RNF8: variants seen among roughly 807,000 people sequenced by gnomAD.
RNF8 encodes E3 ubiquitin-protein ligase RNF8.
A neutral mutation model predicts 59.3 loss-of-function variants in RNF8; 8 were observed. The observed-to-expected ratio is 0.13, with a 90% CI of 0.08 to 0.24. The LOEUF is 0.24. RNF8 is among the 10% of genes least tolerant of loss of function. RNF8 has a pLI of 1.00. For synonymous variants in RNF8, 162 were observed against 200.0 expected, an observed-to-expected ratio of 0.81 and a Z score of 1.60; for missense variants, 406 against 572.6, an observed-to-expected ratio of 0.71 and a Z score of 2.97.
At chr6:37,354,398 G>A (rs1011567556) in intron 1 of RNF8, 123 bp downstream of exon 1, 24 of 772,778 alleles carry the variant, frequency 3.1e-5, no homozygotes, top group South Asian at 1.6e-4. Context: ...ATCAGGAAGA[G>A]GAGCGAAGTG....
At chr6:37,370,017 T>C (rs1272562668) in intron 3 of RNF8, 2 of 152,228 alleles carry the variant, frequency 1.3e-5, no homozygotes, top group African/African-American at 4.8e-5. Context: ...ATTTCCTATC[T>C]GGCAGGAACC....
Position 37,391,702 on chromosome 6 carries a change from G to T in RNF8, c.*944G>T, listed in dbSNP as rs1406504072. The T allele has an allele frequency of 6.6e-6, 1 of 151,850 alleles. No individual in the cohort carries two copies. Among genetic ancestry groups the T allele is most frequent in the Non-Finnish European group, 1.5e-5 (1 of 67,958 alleles). The allele number at this position is 151,850 out of a possible 1,614,324, so 9.4% of individuals were successfully genotyped here. ...AGATCTGACTCTGTTGCCCAAGCTG[G>T]AGTACAGTAGTGCAATCTCAGCTCA... On this transcript the variant is annotated 3_prime_UTR_variant, in exon 8 of 8. Transcript: ENST00000373479.
At chr6:37,385,576 G>C (rs894277468) in intron 7 of RNF8, among the ~76,000 whole-genome samples, 18 of 151,826 alleles carry the variant, frequency 1.2e-4, no homozygotes, top group African/African-American at 3.6e-4. Context: ...GCAGTGAGCC[G>C]AGATCATGCC....
chr6:37,392,062 C>T lies in RNF8; in HGVS notation c.*1304C>T, dbSNP rs1440468734. 1 of 162,812 alleles carries T rather than the reference C, an allele frequency of 6.1e-6. No individual in the cohort carries two copies. The highest frequency in any genetic ancestry group is 1.3e-5 in the Non-Finnish European group (1 of 75,576). The allele number at this position is 162,812 out of a possible 1,614,324, so 10.1% of individuals were successfully genotyped here. On this transcript the variant is annotated 3_prime_UTR_variant, in exon 8 of 8. Transcript: ENST00000373479. ...ACTGTGAATTTTGGGATTCTGGAGT[C>T]CTTAGTCTTCATTTCCATTCTTCTG... is the stretch of plus-strand genomic sequence containing the variant.
chr6:37,354,422 T>A, intron 1 of RNF8, 147 bp downstream of exon 1: 1 of 510,970 alleles, frequency 2.0e-6, no homozygotes, highest in East Asian at 3.7e-5. Context: ...GTGGGGGGGG[T>A]GGATTCCTGG....
At chr6:37,380,262 C>G (rs1296821237) in intron 6 of RNF8, among the ~76,000 whole-genome samples, 1 of 152,066 alleles carries the variant, frequency 6.6e-6, no homozygotes, top group East Asian at 1.9e-4. Flanking sequence ...GGTGGCCAGC[C>G]CACATTGGGA....
chr6:37,388,245 G>A (rs1340932997), intron 7 of RNF8, among the ~76,000 whole-genome samples: 1 of 152,180 alleles, frequency 6.6e-6, no homozygotes, highest in Non-Finnish European at 1.5e-5. Context: ...GATGTGCTGT[G>A]GGGACTGCAA....
intron 6 of RNF8, 26 bp downstream of exon 6, chr6:37,377,059 T>TTA: frequency 4.9e-6 from 3 of 617,164 alleles, no homozygotes; most frequent in Non-Finnish European, 7.8e-6. Flanking sequence ...TGCTCACCCC[T>TTA]TCTTTTTTTT....
chr6:37,394,413 C>G lies in RNF8; in HGVS notation c.*3655C>G. The G allele has an allele frequency of 6.6e-6, 1 of 152,164 alleles. No homozygotes were observed. The highest frequency in any genetic ancestry group is 1.5e-5 in the Non-Finnish European group (1 of 68,024). 9.4% of individuals were successfully genotyped at this position (152,164 alleles called of 1,614,324 possible). On this transcript the variant is annotated 3_prime_UTR_variant, in exon 8 of 8. Coordinates refer to ENST00000373479, the MANE Select transcript of RNF8 (RefSeq NM_003958.4). Reference sequence around the variant, plus strand: ...GAAATAATGAACTATCTTCTTGATTCTTCCATTGAGAAAAGCATATGAATC... The same window carrying G: ...GAAATAATGAACTATCTTCTTGATTGTTCCATTGAGAAAAGCATATGAATC...
intron 3 of RNF8, among the ~76,000 whole-genome samples, chr6:37,370,634 A>G (rs1769762516): frequency 6.6e-6 from 1 of 150,982 alleles, no homozygotes; most frequent in Admixed American, 6.6e-5. Context: ...CTGCCCACCA[A>G]GCCCTGAGGA....
rs572738035 is a variant in RNF8, at chr6:37,376,806, G to T, written c.1129-120G>T. The T allele has an allele frequency of 1.3e-3, 892 of 665,830 alleles. 2 individuals are homozygous for T. The highest frequency in any genetic ancestry group is 2.1e-3 in the Non-Finnish European group (762 of 367,242). The allele number at this position is 665,830 out of a possible 1,614,324, so 41.2% of individuals were successfully genotyped here. On this transcript the variant is annotated intron_variant, in intron 5 of 7. Transcript: ENST00000373479. ...AAAGTGTTCTATTCTTAATGTTGCT[G>T]CACCAGAATGAATCACTCATTAAGA...
At chr6:37,374,581 G>T in intron 4 of RNF8, 39 bp from the exon 5 acceptor site, 1 of 1,434,326 alleles carries the variant, frequency 7.0e-7, no homozygotes. Flanking sequence ...AGGATGCATT[G>T]TAGTTCATCC....
In RNF8 at chr6:37,392,893, A is replaced by G. The variant is rs1006303041; in HGVS notation, c.*2135A>G. ...GGTCTTGAAATTCTGGGCTAAAGCA[A>G]TCCTACCACCTTGGCCTCCCAAAGT... On this transcript the variant is annotated 3_prime_UTR_variant, in exon 8 of 8. Coordinates refer to ENST00000373479, the MANE Select transcript of RNF8 (RefSeq NM_003958.4). The G allele has an allele frequency of 4.6e-5, 15 of 326,072 alleles. No individual in the cohort carries two copies. The highest frequency in any genetic ancestry group is 4.3e-4 in the Admixed American group (9 of 20,786). 20.2% of individuals were successfully genotyped at this position (326,072 alleles called of 1,614,324 possible).
intron 2 of RNF8, among the ~76,000 whole-genome samples, chr6:37,364,178 C>CAA (rs35915593): frequency 0.025 from 2,003 of 81,710 alleles, 115 homozygotes; most frequent in African/African-American, 0.072. Context: ...GACTCTGTCT[C>CAA]AAAAAAAAAA....
intron 2 of RNF8, among the ~76,000 whole-genome samples, chr6:37,364,035 C>T (rs907112281): frequency 2.0e-5 from 3 of 151,930 alleles, no homozygotes; most frequent in African/African-American, 4.8e-5. Context: ...AAAAATTAGC[C>T]AGGCGTGGTG....
At chr6:37,359,699 A>G (rs1769244201) in intron 1 of RNF8, among the ~76,000 whole-genome samples, 1 of 152,188 alleles carries the variant, frequency 6.6e-6, no homozygotes, top group African/African-American at 2.4e-5. Flanking sequence ...AAGTTCGAGG[A>G]TACACTGGCA....
chr6:37,392,340 T>G lies in RNF8; in HGVS notation c.*1582T>G. ...TTAGTTTACATATTGTAATTCATTT[T>G]TAAGAGAGTACAGACATACACTTTT... On this transcript the variant is annotated 3_prime_UTR_variant, in exon 8 of 8. Coordinates refer to ENST00000373479, the MANE Select transcript of RNF8 (RefSeq NM_003958.4). 1 of 397,786 alleles carries G rather than the reference T, an allele frequency of 2.5e-6. No individual in the cohort carries two copies. The highest frequency in any genetic ancestry group is 4.4e-6 in the Non-Finnish European group (1 of 225,920). The allele number at this position is 397,786 out of a possible 1,614,324, so 24.6% of individuals were successfully genotyped here.
rs564860016 is a variant in RNF8 at position 37,359,712 on chromosome 6, G to A, written c.112-734G>A. 3.9e-5 allele frequency among the ~76,000 whole-genome samples: 6 copies of A among 152,310 alleles called. No homozygotes were observed. The South Asian group carries it at 1.0e-3, about 26-fold the overall frequency. Reference sequence around the variant, plus strand: ...CTAAGTTCGAGGATACACTGGCAGTGTACTAGATCTGCTATGAAAGCTAAT... The same window carrying A: ...CTAAGTTCGAGGATACACTGGCAGTATACTAGATCTGCTATGAAAGCTAAT... On this transcript the variant is annotated intron_variant, in intron 1 of 7. Coordinates refer to ENST00000373479, the MANE Select transcript of RNF8 (RefSeq NM_003958.4).
Position 37,376,992 on chromosome 6 carries a change from A to G in RNF8, c.1195A>G (p.Asn399Asp). 1 of 1,609,596 alleles carries G rather than the reference A, an allele frequency of 6.2e-7. No homozygotes were observed. Among genetic ancestry groups the G allele is most frequent in the South Asian group, 1.1e-5 (1 of 90,992 alleles). ...TAGCCACATGAATGATGTGCTAGAG[A>G]ATGAGCTCCAATGTATTATTTGTTC... ...VLSHMNDVLENELQCIICSEY... is the reference protein window; with the variant it reads ...VLSHMNDVLEDELQCIICSEY... Residue 399 changes from asparagine (N) to aspartate (D), a missense_variant, in exon 6 of 8, where the codon AAT (asparagine) becomes GAT (aspartate). Asn to Asp is a conservative substitution (Grantham distance 23, BLOSUM62 1). Coordinates refer to ENST00000373479, the MANE Select transcript of RNF8 (RefSeq NM_003958.4).
Sources: gnomAD v4.1 joint callset for allele counts (sites outside exome capture counted in the v4.1 genomes callset) on GRCh38, gnomAD v4.1.1 for gene constraint, MANE v1.5 for transcripts, NCBI Gene and HGNC (gene_info 2026-07-23, HGNC 2026-07-21) for gene names.